Variants in MSH4 observed in about 807,000 individuals in gnomAD.
MSH4 encodes the protein mutS homolog 4.
Under a neutral mutation model 113.7 loss-of-function variants are expected in MSH4, and 106 were observed. The ratio of observed to expected loss-of-function variants is 0.93; its 90% CI spans 0.80 to 1.10. The LOEUF (loss-of-function observed/expected upper bound fraction) is 1.10, where lower values mean the gene tolerates loss of function less well. MSH4 is among the 50% of genes least tolerant of loss of function. The probability of loss-of-function intolerance (pLI) is 0.00; values close to 1 mark genes in which losing one functional copy is unlikely to be tolerated. For missense variants in MSH4, 1,061 were observed against 1,093.7 expected, an observed-to-expected ratio of 0.97 and a Z score of 0.42; for synonymous variants, 368 against 380.2, an observed-to-expected ratio of 0.97 and a Z score of 0.37.
Position 75,797,133 on chromosome 1 carries a change from G to T in MSH4, c.148G>T (p.Ala50Ser). ...CCGCCCTTCGGTCCAGGTGGTCTCT[G>T]CATCCACCTGTCCTGGCACGTCAGG... is the stretch of plus-strand genomic sequence containing the variant. ...QSRPSVQVVSASTCPGTSGAA... is the reference protein window; with the variant it reads ...QSRPSVQVVSSSTCPGTSGAA... The change falls in exon 1 of 20, where the codon GCA (alanine) becomes TCA (serine). Residue 50 changes from alanine (A) to serine (S), a missense_variant. Coordinates refer to ENST00000263187, the MANE Select transcript of MSH4 (RefSeq NM_002440.4). 4 of 1,613,732 alleles carry T rather than the reference G, an allele frequency of 2.5e-6. No homozygotes were observed. The highest frequency in any genetic ancestry group is 2.5e-6 in the Non-Finnish European group (3 of 1,179,808).
intron 6 of MSH4, among the ~76,000 whole-genome samples, chr1:75,817,028 T>G (rs759995432): frequency 2.6e-5 from 4 of 152,210 alleles, no homozygotes; most frequent in Non-Finnish European, 4.4e-5. Context: ...ATGATTGTCC[T>G]GCCTCAGCCT....
rs944046337 is a variant in MSH4, at chr1:75,867,559, C to T, written c.1276C>T (p.His426Tyr). The T allele has an allele frequency of 3.1e-6, 5 of 1,597,296 alleles. No homozygotes were observed. In the African/African-American group the frequency reaches 6.7e-5, roughly 22 times the overall value. The change falls in exon 9 of 20, where the codon CAT becomes TAT. Residue 426 changes from histidine (H) to tyrosine (Y), a missense_variant. His to Tyr is a moderately conservative substitution (Grantham distance 83, BLOSUM62 2). Transcript: ENST00000263187. ...GATAACAAATTTAATATACTTAAAA[C>T]ATACCTTGGAACTTGTGGATCCTTT... ...SKITNLIYLK[H>Y]TLELVDPLKI...
chr1:75,907,699 T>C (rs1450087859), intron 19 of MSH4, among the ~76,000 whole-genome samples: 7,574 of 122,276 alleles, frequency 0.062, 464 homozygotes, highest in East Asian at 0.21. Flanking sequence ...CATATATATA[T>C]ATATATATAT....
chr1:75,835,808 C>A (rs948889700), intron 7 of MSH4, among the ~76,000 whole-genome samples: 1 of 152,226 alleles, frequency 6.6e-6, no homozygotes, highest in Non-Finnish European at 1.5e-5. Flanking sequence ...ATCTTCTCTT[C>A]ATCACTATGT....
chr1:75,904,623 A>G (rs917150696), intron 19 of MSH4, among the ~76,000 whole-genome samples: 3 of 151,156 alleles, frequency 2.0e-5, no homozygotes, highest in African/African-American at 7.3e-5. Context: ...TAATCCTCTT[A>G]CCTCAGCCTC....
chr1:75,810,904 C>A, intron 4 of MSH4, 97 bp downstream of exon 4: 1 of 562,032 alleles, frequency 1.8e-6, no homozygotes, highest in Non-Finnish European at 2.9e-6. Context: ...CAGAGTTTCA[C>A]TCTGTCACCC....
chr1:75,798,405 T>C (rs536618595), intron 1 of MSH4, among the ~76,000 whole-genome samples: 17 of 152,288 alleles, frequency 1.1e-4, no homozygotes, highest in African/African-American at 3.1e-4. Context: ...TTAAAGCTTT[T>C]TTTCCTAGGC....
At position 75,845,332 on chromosome 1, in the gene MSH4, A is replaced by G. The variant is rs147127332; in HGVS notation, c.1163-2877A>G. On this transcript the variant is annotated intron_variant, in intron 7 of 19. Coordinates refer to ENST00000263187, the MANE Select transcript of MSH4 (RefSeq NM_002440.4). ...GAATCAGATATGTGAGACTCAAGGCATGATTCCTCCTGAGGCAAATTCCCC... is the reference window on the plus strand; with the variant it reads ...GAATCAGATATGTGAGACTCAAGGCGTGATTCCTCCTGAGGCAAATTCCCC... Among the ~76,000 whole-genome samples the G allele has an allele frequency of 2.3e-3, 349 of 152,358 alleles. 1 individual carries two copies. The highest frequency in any genetic ancestry group is 3.9e-3 in the Admixed American group (60 of 15,302).
chr1:75,837,095 TG>T (rs1265915382), intron 7 of MSH4, among the ~76,000 whole-genome samples: 1 of 151,980 alleles, frequency 6.6e-6, no homozygotes, highest in Non-Finnish European at 1.5e-5. Context: ...CTTTAGGGGG[TG>T]GTTACACAAG....
intron 1 of MSH4, among the ~76,000 whole-genome samples, chr1:75,798,211 G>C (rs1052441525): frequency 6.6e-6 from 1 of 152,062 alleles, no homozygotes; most frequent in Non-Finnish European, 1.5e-5. Context: ...CTCCTGCCTC[G>C]GTCTGCCCAA....
At position 75,899,618 on chromosome 1, in the gene MSH4, G is replaced by T; in HGVS notation, c.2531G>T (p.Gly844Val). Residue 844 changes from glycine to valine, a missense_variant and splice_region_variant, in exon 19 of 20, where the codon GGA becomes GTA. Coordinates refer to ENST00000263187, the MANE Select transcript of MSH4 (RefSeq NM_002440.4). ...SKGLTEEKNY[G>V]LKAAEVSSLP... Reference sequence around the variant, plus strand: ...CCAAATTTAAAACAAATAATTCTAGGATTAAAAGCTGCAGAGGTGTCATCA... The same window carrying T: ...CCAAATTTAAAACAAATAATTCTAGTATTAAAAGCTGCAGAGGTGTCATCA... The T allele has an allele frequency of 6.8e-7, 1 of 1,480,036 alleles. No individual in the cohort carries two copies. Among genetic ancestry groups the T allele is most frequent in the Non-Finnish European group, 9.0e-7 (1 of 1,116,444 alleles). 91.7% of individuals were successfully genotyped at this position (1,480,036 alleles called of 1,614,324 possible).
At chr1:75,798,592 T>A (rs958161482) in intron 1 of MSH4, among the ~76,000 whole-genome samples, 11 of 149,408 alleles carry the variant, frequency 7.4e-5, no homozygotes, top group African/African-American at 2.5e-4. Flanking sequence ...AGTCTTGCTC[T>A]GTTGCCCAGG....
At chr1:75,892,701 C>T (rs5745515) in intron 17 of MSH4, among the ~76,000 whole-genome samples, 13,575 of 151,990 alleles carry the variant, frequency 0.089, 808 homozygotes, top group Non-Finnish European at 0.13. Context: ...GCTCGGGCCC[C>T]CACCCAAGGG....
intron 3 of MSH4, among the ~76,000 whole-genome samples, chr1:75,808,158 A>T (rs918762419): frequency 2.0e-5 from 3 of 152,212 alleles, no homozygotes; most frequent in African/African-American, 7.2e-5. Flanking sequence ...GACCCATAGA[A>T]GTTTTTGATC....
At chr1:75,878,339 TG>T (rs1651859404) in intron 11 of MSH4, 21 bp downstream of exon 11, 5 of 1,559,440 alleles carry the variant, frequency 3.2e-6, no homozygotes, top group South Asian at 2.4e-5. Flanking sequence ...TATTTGATAA[TG>T]TTTTTTGTAG....
At position 75,883,621 on chromosome 1, in the gene MSH4, T is replaced by C. The variant is rs780020367; in HGVS notation, c.1907T>C (p.Val636Ala). The change falls in exon 15 of 20, where the codon GTT becomes GCT. Residue 636 changes from valine (V) to alanine (A), a missense_variant and splice_region_variant. Coordinates refer to ENST00000263187, the MANE Select transcript of MSH4 (RefSeq NM_002440.4). ...AAACCATTCTATTTTTTTTCTTAAG[T>C]TCGACCAGAATTTACTGATACTTTA... ...FAHACTLSDY[V>A]RPEFTDTLAI... is the part of the protein sequence containing the mutation. 6.2e-7 allele frequency: 1 copy of C among 1,606,342 alleles called. No individual in the cohort carries two copies. Among genetic ancestry groups the C allele is most frequent in the South Asian group, 1.1e-5 (1 of 89,200 alleles).
chr1:75,812,609 G>A (rs541079046), intron 4 of MSH4, among the ~76,000 whole-genome samples: 2 of 152,226 alleles, frequency 1.3e-5, no homozygotes, highest in East Asian at 1.9e-4. Flanking sequence ...CAGGAGAATC[G>A]CTTGAACCTG....
rs1430903260 is a variant in MSH4, at chr1:75,796,883, C to A, written c.-103C>A. Reference sequence around the variant, plus strand: ...CGCAGTGCAGCTTAGTGCGTCGGCGCGCAGTTCTCCCGCCCGTTTCAGCGG... The same window carrying A: ...CGCAGTGCAGCTTAGTGCGTCGGCGAGCAGTTCTCCCGCCCGTTTCAGCGG... On this transcript the variant is annotated 5_prime_UTR_variant, in exon 1 of 20. Coordinates refer to ENST00000263187, the MANE Select transcript of MSH4 (RefSeq NM_002440.4). 3 of 1,528,582 alleles carry A rather than the reference C, an allele frequency of 2.0e-6. No homozygotes were observed. Among genetic ancestry groups the A allele is most frequent in the Non-Finnish European group, 2.7e-6 (3 of 1,123,092 alleles). The allele number at this position is 1,528,582 out of a possible 1,614,324, so 94.7% of individuals were successfully genotyped here.
chr1:75,848,454 T>C (rs1651120809), intron 8 of MSH4, among the ~76,000 whole-genome samples, 178 bp downstream of exon 8: 1 of 152,186 alleles, frequency 6.6e-6, no homozygotes, highest in Non-Finnish European at 1.5e-5. Flanking sequence ...TTATCCTGTA[T>C]GTTATAGTGA....
Sources: allele counts gnomAD v4.1 joint callset (sites outside exome capture counted in the v4.1 genomes callset), GRCh38; gene constraint gnomAD v4.1.1; transcripts MANE v1.5; gene names NCBI Gene and HGNC (gene_info 2026-07-23, HGNC 2026-07-21).